The following MAP4K5 variants were observed in gnomAD, a reference collection of about 807,000 sequenced individuals.
MAP4K5 encodes the protein MAPK/ERK kinase kinase kinase 5.
Under a neutral mutation model 135.6 loss-of-function variants are expected in MAP4K5, and 82 were observed. That is an observed-to-expected ratio of 0.60 (90% CI 0.51 to 0.73). The LOEUF is 0.73. Ranked by LOEUF, MAP4K5 falls within the 30% of genes least tolerant of loss-of-function variation. The pLI is 0.00. For synonymous variants in MAP4K5, 347 were observed against 335.0 expected (o/e 1.04, Z -0.39); for missense variants, 907 against 1,010.9 (o/e 0.90, Z 1.39).
intron 9 of MAP4K5, among the ~76,000 whole-genome samples, chr14:50,473,771 T>G (rs1232529241): frequency 7.2e-6 from 1 of 138,782 alleles, no homozygotes; most frequent in African/African-American, 2.8e-5. Context: ...TCGCCCAGGC[T>G]GGAGTGCAGT....
intron 3 of MAP4K5, among the ~76,000 whole-genome samples, chr14:50,493,135 T>G (rs1206799388): frequency 6.6e-6 from 1 of 152,154 alleles, no homozygotes; most frequent in Non-Finnish European, 1.5e-5. Flanking sequence ...AAGGTCTTGC[T>G]GTCACCCAGG....
intron 2 of MAP4K5, among the ~76,000 whole-genome samples, chr14:50,513,723 C>T (rs1050751301): frequency 6.6e-6 from 1 of 152,184 alleles, no homozygotes; most frequent in Admixed American, 6.5e-5. Flanking sequence ...CCCCAGACAA[C>T]TTTCTCCCAG....
chr14:50,514,401 G>C (rs79760113), intron 2 of MAP4K5, among the ~76,000 whole-genome samples: 1 of 152,186 alleles, frequency 6.6e-6, no homozygotes, highest in African/African-American at 2.4e-5. Flanking sequence ...GTTTTTAACT[G>C]GTTCATTTAT....
intron 2 of MAP4K5, among the ~76,000 whole-genome samples, chr14:50,514,331 C>T (rs1386942192): frequency 6.6e-6 from 1 of 152,068 alleles, no homozygotes; most frequent in African/African-American, 2.4e-5. Context: ...AATCTACCCA[C>T]CTCATCCTCC....
At chr14:50,533,516 T>C (rs969152758), upstream of MAP4K5, 6 of 152,168 alleles carry the variant, frequency 3.9e-5, no homozygotes, top group Non-Finnish European at 5.9e-5. Flanking sequence ...TTGGCTGATA[T>C]TTCACAAGCT....
At chr14:50,522,039 A>C (rs1044679228) in intron 2 of MAP4K5, among the ~76,000 whole-genome samples, 1 of 152,220 alleles carries the variant, frequency 6.6e-6, no homozygotes. Context: ...TCTTGGTCTG[A>C]AACCACAATG....
At chr14:50,551,200 A>C (rs1251152031) in intron 1 of MAP4K5, among the ~76,000 whole-genome samples, 1 of 152,138 alleles carries the variant, frequency 6.6e-6, no homozygotes, top group Non-Finnish European at 1.5e-5. Flanking sequence ...AAGATGTTAT[A>C]ACTGATACTA....
chr14:50,458,972 C>T (rs1405021861), intron 13 of MAP4K5, among the ~76,000 whole-genome samples: 1 of 151,968 alleles, frequency 6.6e-6, no homozygotes, highest in Non-Finnish European at 1.5e-5. Context: ...CCAAGCCTTG[C>T]TAATTTTAAA....
At chr14:50,451,950 T>C (rs945440925) in intron 14 of MAP4K5, among the ~76,000 whole-genome samples, 8 of 152,148 alleles carry the variant, frequency 5.3e-5, no homozygotes, top group African/African-American at 1.9e-4. Context: ...GACTTTCTCG[T>C]GGTACAAAAG....
intron 2 of MAP4K5, among the ~76,000 whole-genome samples, chr14:50,518,116 G>A (rs1052164705): frequency 2.6e-5 from 4 of 151,882 alleles, no homozygotes; most frequent in Non-Finnish European, 2.9e-5. Flanking sequence ...CAATTAAAAC[G>A]TCCAAAAAAA....
chr14:50,550,690 A>G (rs1333195651), intron 1 of MAP4K5, among the ~76,000 whole-genome samples: 1 of 152,256 alleles, frequency 6.6e-6, no homozygotes, highest in Admixed American at 6.5e-5. Context: ...TCAAAATTAT[A>G]TCAAGTATCT....
In MAP4K5 at chr14:50,540,544, G is replaced by C. The variant is rs368060440; in HGVS notation, c.-94+1955C>G. Among the ~76,000 whole-genome samples, 11 of 152,304 alleles carry C rather than the reference G, an allele frequency of 7.2e-5. No homozygotes were observed. The East Asian group carries it at 7.7e-4, about 11-fold the overall frequency. On this transcript the variant is annotated intron_variant, in intron 2 of 8. Transcript: ENST00000555216. ...CTTGTAGCCTTTTACCAGGGTGATT[G>C]TGAGCTAAGGAATGGGTGATTCTCA...
Position 50,532,002 on chromosome 14 carries a change from C to G in MAP4K5, c.48G>C (p.Pro16=), listed in dbSNP as rs757392915. ...TCTGGACGAGTTCGTAGTCCTGCTG[C>G]GGGTTCCGCCTCAGGATGTCCGCGG... ...RPAADILRRN[P]QQDYELVQRV... is the part of the protein sequence containing the mutation. Residue 16 remains proline (P), a synonymous_variant, in exon 2 of 33, where the codon CCG becomes CCC. Coordinates refer to ENST00000682126, the MANE Select transcript of MAP4K5 (RefSeq NM_006575.6). 5 of 1,599,338 alleles carry G rather than the reference C, an allele frequency of 3.1e-6. No individual in the cohort carries two copies. The South Asian group carries it at 4.5e-5, about 14-fold the overall frequency.
intron 3 of MAP4K5, among the ~76,000 whole-genome samples, chr14:50,494,408 C>T (rs2037551683): frequency 2.0e-5 from 3 of 151,912 alleles, no homozygotes; most frequent in South Asian, 2.1e-4. Context: ...CCTCGTGATC[C>T]GCCCACTTCA....
At chr14:50,541,792 A>G (rs1212023458) in intron 2 of MAP4K5, among the ~76,000 whole-genome samples, 7 of 151,952 alleles carry the variant, frequency 4.6e-5, no homozygotes, top group South Asian at 2.1e-4. Context: ...AGGCCGAGGC[A>G]GGAGGATCAC....
At chr14:50,448,435 A>C (rs553618995) in intron 15 of MAP4K5, among the ~76,000 whole-genome samples, 1 of 152,206 alleles carries the variant, frequency 6.6e-6, no homozygotes, top group East Asian at 1.9e-4. Flanking sequence ...AAGGCAATAC[A>C]GAATGTAGAA....
chr14:50,517,978 T>C (rs915589203), intron 2 of MAP4K5, among the ~76,000 whole-genome samples: 2 of 152,182 alleles, frequency 1.3e-5, no homozygotes, highest in African/African-American at 4.8e-5. Context: ...AAGCATCAGG[T>C]ACCTCAGATA....
chr14:50,504,897 G>A, intron 2 of MAP4K5, 40 bp from the exon 3 acceptor site: 1 of 1,326,668 alleles, frequency 7.5e-7, no homozygotes, highest in Non-Finnish European at 1.0e-6. Flanking sequence ...TTAATTAAAA[G>A]CTTGTTAATT....
At chr14:50,485,344 A>G (rs935563276) in intron 5 of MAP4K5, among the ~76,000 whole-genome samples, 4 of 152,138 alleles carry the variant, frequency 2.6e-5, no homozygotes, top group African/African-American at 9.7e-5. Context: ...AGAGATATCT[A>G]AAGAGTAAAA....
Sources: allele counts gnomAD v4.1 joint callset (sites outside exome capture counted in the v4.1 genomes callset), GRCh38; gene constraint gnomAD v4.1.1; transcripts MANE v1.5; gene names NCBI Gene and HGNC (gene_info 2026-07-23, HGNC 2026-07-21).